ANO1: variants seen among roughly 807,000 people sequenced by gnomAD.
ANO1 encodes the protein anoctamin 1.
In ANO1, 59 loss-of-function variants were observed where a neutral mutation model predicts 124.0. The ratio of observed to expected loss-of-function variants is 0.48; its 90% CI spans 0.39 to 0.59. The LOEUF (loss-of-function observed/expected upper bound fraction) is 0.59. ANO1 is among the 20% of genes least tolerant of loss of function. ANO1 has a pLI of 0.00. For missense variants in ANO1, 1,059 were observed against 1,328.0 expected (o/e 0.80, Z 3.15); for synonymous variants, 529 against 532.0 (o/e 0.99, Z 0.08).
chr11:70,066,091 C>T (rs1285264027), intron 1 of ANO1, among the ~76,000 whole-genome samples: 2 of 152,234 alleles, frequency 1.3e-5, no homozygotes, highest in South Asian at 2.1e-4. Context: ...TTGTTTATTC[C>T]GTGACCCAGC....
chr11:70,130,778 C>T (rs984820232), intron 10 of ANO1, among the ~76,000 whole-genome samples: 4 of 152,194 alleles, frequency 2.6e-5, no homozygotes, highest in South Asian at 2.1e-4. Context: ...CAGGCCCCCC[C>T]GGCTTCCCGA....
At chr11:70,073,168 T>A (rs1391803785) in intron 1 of ANO1, among the ~76,000 whole-genome samples, 1 of 152,164 alleles carries the variant, frequency 6.6e-6, no homozygotes, top group Admixed American at 6.5e-5. Flanking sequence ...AGCTAGGTGC[T>A]CTGTTTGGCA....
At chr11:70,178,268 C>T (rs2135815303) in intron 22 of ANO1, among the ~76,000 whole-genome samples, 1 of 152,354 alleles carries the variant, frequency 6.6e-6, no homozygotes, top group East Asian at 1.9e-4. Flanking sequence ...TCAGTGCTGA[C>T]TTTGTAGGGC....
intron 1 of ANO1, among the ~76,000 whole-genome samples, chr11:70,026,891 C>G (rs1555003298): frequency 6.6e-6 from 1 of 152,168 alleles, no homozygotes; most frequent in African/African-American, 2.4e-5. Context: ...ACCTTAACAC[C>G]AGGTCCTCAA....
intron 1 of ANO1, among the ~76,000 whole-genome samples, chr11:70,029,536 C>G (rs1307398283): frequency 6.6e-6 from 1 of 152,242 alleles, no homozygotes; most frequent in African/African-American, 2.4e-5. Context: ...AAACTTTCAA[C>G]CCACCAGTCA....
At chr11:69,992,659 C>T (rs1419868444) in intron 1 of ANO1, among the ~76,000 whole-genome samples, 1 of 152,150 alleles carries the variant, frequency 6.6e-6, no homozygotes, top group Admixed American at 6.5e-5. Context: ...CTGCTGCCTC[C>T]CTAGCTCTCT....
intron 2 of ANO1, among the ~76,000 whole-genome samples, chr11:70,088,555 A>C (rs2135236191): frequency 6.6e-6 from 1 of 151,750 alleles, no homozygotes; most frequent in East Asian, 1.9e-4. Context: ...CAGCAGACAA[A>C]AACACTGTTC....
chr11:70,046,284 T>C (rs537504473), intron 1 of ANO1, among the ~76,000 whole-genome samples: 12 of 152,302 alleles, frequency 7.9e-5, no homozygotes, highest in African/African-American at 2.4e-4. Context: ...AGCATTTGCA[T>C]GCCAGGGCAA....
At chr11:69,976,507 TAAAAAAA>T in the ANO1 span, among the ~76,000 whole-genome samples, 1 of 74,498 alleles carries the variant, frequency 1.3e-5, no homozygotes, top group African/African-American at 6.7e-5. Context: ...ACTCCGTCTC[TAAAAAAA>T]AAAAAAAAAA....
At chr11:70,138,896 A>G (rs1565239458) in intron 11 of ANO1, among the ~76,000 whole-genome samples, 1 of 151,992 alleles carries the variant, frequency 6.6e-6, no homozygotes, top group Non-Finnish European at 1.5e-5. Context: ...CCAGCACAGT[A>G]CCCGACAGAT....
intron 1 of ANO1, among the ~76,000 whole-genome samples, chr11:70,035,831 A>G (rs562299865): frequency 6.6e-6 from 1 of 152,182 alleles, no homozygotes; most frequent in African/African-American, 2.4e-5. Flanking sequence ...AGCTTCATCC[A>G]TGTCCCTGCA....
At chr11:70,146,077 T>G (rs1458359984) in intron 11 of ANO1, among the ~76,000 whole-genome samples, 1 of 152,086 alleles carries the variant, frequency 6.6e-6, no homozygotes, top group Non-Finnish European at 1.5e-5. Context: ...TATGCTTTAA[T>G]AATCAGATTT....
chr11:70,177,013 T>C (rs1462073882), intron 22 of ANO1, among the ~76,000 whole-genome samples: 1 of 152,074 alleles, frequency 6.6e-6, no homozygotes. Flanking sequence ...TGCAGACCTG[T>C]CAGGACAGGC....
intron 10 of ANO1, chr11:70,129,284 CA>C (rs1340479927): frequency 6.6e-6 from 1 of 152,246 alleles, no homozygotes; most frequent in Non-Finnish European, 1.5e-5. Flanking sequence ...GGGTGCCAGG[CA>C]CTGTTCCAAG....
At position 70,103,086 on chromosome 11, in the gene ANO1, G is replaced by A. The variant is rs1281425046; in HGVS notation, c.462G>A (p.Gly154=). 2 of 1,612,340 alleles carry A rather than the reference G, an allele frequency of 1.2e-6. No homozygotes were observed. Among genetic ancestry groups the A allele is most frequent in the African/African-American group, 2.7e-5 (2 of 74,848 alleles). The change falls in exon 3 of 26, where the codon GGG becomes GGA. Residue 154 remains glycine, a synonymous_variant. Coordinates refer to ENST00000355303, the MANE Select transcript of ANO1 (RefSeq NM_018043.7). ...RDEDTKIHGV[G]FVKIHAPWNV... Reference sequence around the variant, plus strand: ...TCCAGACTAAAATCCACGGAGTCGGGTTTGTGAAAATCCATGCCCCCTGGA... The same window carrying A: ...TCCAGACTAAAATCCACGGAGTCGGATTTGTGAAAATCCATGCCCCCTGGA...
At chr11:70,184,425 G>A (rs2135853247) in intron 24 of ANO1, among the ~76,000 whole-genome samples, 1 of 152,288 alleles carries the variant, frequency 6.6e-6, no homozygotes. Context: ...GAAGAGCCAA[G>A]GTCAGTGGCA....
At chr11:69,979,257 G>A in the ANO1 span, among the ~76,000 whole-genome samples, 2 of 152,130 alleles carry the variant, frequency 1.3e-5, no homozygotes, top group Non-Finnish European at 2.9e-5. Context: ...TTTTGCTCCT[G>A]GTAATAACAT....
At chr11:70,140,016 T>A (rs116225866) in intron 11 of ANO1, among the ~76,000 whole-genome samples, 1,592 of 152,312 alleles carry the variant, frequency 0.01, 32 homozygotes, top group African/African-American at 0.036. Flanking sequence ...GGAGCTGCGC[T>A]GAGGACTGCC....
At chr11:70,164,199 G>A (rs1422093547) in intron 19 of ANO1, among the ~76,000 whole-genome samples, 1 of 152,232 alleles carries the variant, frequency 6.6e-6, no homozygotes, top group Non-Finnish European at 1.5e-5. Context: ...GAGCCTATCA[G>A]TGGTTCTGGT....
Sources: gnomAD v4.1 joint callset for allele counts (sites outside exome capture counted in the v4.1 genomes callset) on GRCh38, gnomAD v4.1.1 for gene constraint, MANE v1.5 for transcripts, NCBI Gene and HGNC (gene_info 2026-07-23, HGNC 2026-07-21) for gene names.